Variants in GRM7 observed in about 807,000 individuals in gnomAD.
GRM7 encodes the protein glutamate metabotropic receptor 7, also known as metabotropic glutamate receptor 7.
Under a neutral mutation model 84.5 loss-of-function variants are expected in GRM7, and 35 were observed. That is an observed-to-expected ratio of 0.41 (90% CI 0.32 to 0.55). The LOEUF (loss-of-function observed/expected upper bound fraction) is 0.55, where lower values mean the gene tolerates loss of function less well. Among genes scored for constraint, GRM7 ranks in the 20% least tolerant of loss-of-function variants. The probability of loss-of-function intolerance (pLI) is 0.19; values close to 1 mark genes in which losing one functional copy is unlikely to be tolerated. For missense variants in GRM7, 1,003 were observed against 1,194.6 expected (o/e 0.84, Z 2.36); for synonymous variants, 487 against 455.1 (o/e 1.07, Z -0.89).
intron 8 of GRM7, among the ~76,000 whole-genome samples, chr3:7,661,770 G>A (rs957729049): frequency 1.1e-4 from 11 of 96,878 alleles, no homozygotes; most frequent in Admixed American, 3.1e-4. Context: ...CTCCAGCCTG[G>A]GCCACAGAGC....
chr3:6,949,352 A>C (rs1692605251), intron 1 of GRM7, among the ~76,000 whole-genome samples: 1 of 152,108 alleles, frequency 6.6e-6, no homozygotes, highest in South Asian at 2.1e-4. Context: ...TGGGTTGAAA[A>C]TTCTTTTCTT....
At chr3:7,190,919 A>G (rs7634808) in intron 2 of GRM7, among the ~76,000 whole-genome samples, 59,732 of 151,670 alleles carry the variant, frequency 0.39, 12,898 homozygotes, top group African/African-American at 0.59. Flanking sequence ...CATTTCCCAC[A>G]GTACTACTAA....
chr3:7,728,088 A>G lies in GRM7; in HGVS notation c.2699-12269A>G, dbSNP rs1391726954. ...CCGCAGTCAAAACAAGAAGCCACTG[A>G]ACTTAACAGGACTTGACTGTGATGG... On this transcript the variant is annotated intron_variant, in intron 9 of 9. Coordinates refer to ENST00000357716, the MANE Select transcript of GRM7 (RefSeq NM_000844.4). 5.9e-5 allele frequency among the ~76,000 whole-genome samples: 9 copies of G among 152,178 alleles called. No homozygotes were observed. In the East Asian group the frequency reaches 1.7e-3, roughly 29 times the overall value.
chr3:7,568,647 C>T (rs1694453575), intron 7 of GRM7, among the ~76,000 whole-genome samples: 1 of 152,188 alleles, frequency 6.6e-6, no homozygotes, highest in South Asian at 2.1e-4. Flanking sequence ...TGCGGGCCAG[C>T]TGGAGTTTTG....
chr3:7,157,098 G>T (rs1012134882), intron 2 of GRM7, among the ~76,000 whole-genome samples: 7 of 152,136 alleles, frequency 4.6e-5, no homozygotes, highest in Admixed American at 1.3e-4. Context: ...GACAGACTGT[G>T]TCTTCAGGGT....
intron 8 of GRM7, among the ~76,000 whole-genome samples, chr3:7,675,804 G>A (rs1700099210): frequency 6.6e-6 from 1 of 152,078 alleles, no homozygotes; most frequent in African/African-American, 2.4e-5. Context: ...AACCTAACCT[G>A]GCAGAAAATA....
At chr3:7,405,945 G>T (rs563353586) in intron 4 of GRM7, among the ~76,000 whole-genome samples, 59 of 151,674 alleles carry the variant, frequency 3.9e-4, no homozygotes, top group African/African-American at 1.3e-3. Flanking sequence ...ATTGATATTA[G>T]ATAATGTAGT....
At chr3:7,365,647 G>GTATATATATATATATATATATATA (rs755999982) in intron 4 of GRM7, among the ~76,000 whole-genome samples, 2 of 130,050 alleles carry the variant, frequency 1.5e-5, no homozygotes, top group South Asian at 2.4e-4. Flanking sequence ...GTGCGTGTGT[G>GTATATATATATATATATATATATA]TATATATATA....
intron 1 of GRM7, among the ~76,000 whole-genome samples, chr3:6,992,205 G>A (rs1440037381): frequency 6.6e-6 from 1 of 152,136 alleles, no homozygotes; most frequent in Non-Finnish European, 1.5e-5. Flanking sequence ...TGTGCTACAT[G>A]CTCTTTGACA....
intron 4 of GRM7, among the ~76,000 whole-genome samples, chr3:7,358,619 G>C (rs1693514740): frequency 1.3e-5 from 2 of 148,310 alleles, no homozygotes; most frequent in Non-Finnish European, 3.0e-5. Context: ...CTTTAATCCA[G>C]TGCTTCCAAA....
intron 1 of GRM7, among the ~76,000 whole-genome samples, chr3:7,001,824 T>C (rs1047085524): frequency 6.6e-6 from 1 of 152,200 alleles, no homozygotes; most frequent in Non-Finnish European, 1.5e-5. Flanking sequence ...ATCAAATTTT[T>C]ATCTACAATA....
Position 7,192,859 on chromosome 3 carries a change from C to A in GRM7, c.736+46191C>A, listed in dbSNP as rs1023871622. ...AATGTAATGAGGCCTGTGCCTCTAACCCTGCAATGAGATGTCACTGGTGAA... is the reference window on the plus strand; with the variant it reads ...AATGTAATGAGGCCTGTGCCTCTAAACCTGCAATGAGATGTCACTGGTGAA... On this transcript the variant is annotated intron_variant, in intron 2 of 9. Transcript: ENST00000357716. 4.6e-5 allele frequency among the ~76,000 whole-genome samples: 7 copies of A among 152,196 alleles called. No individual in the cohort carries two copies. The East Asian group carries it at 1.4e-3, about 29-fold the overall frequency.
intron 7 of GRM7, among the ~76,000 whole-genome samples, chr3:7,554,195 T>G (rs559440590): frequency 4.6e-5 from 7 of 152,236 alleles, no homozygotes; most frequent in Non-Finnish European, 8.8e-5. Context: ...TCCTTGAACC[T>G]AAAGCTTTTA....
chr3:7,512,999 T>C (rs1700264154), intron 7 of GRM7, among the ~76,000 whole-genome samples: 2 of 152,182 alleles, frequency 1.3e-5, no homozygotes, highest in South Asian at 4.1e-4. Flanking sequence ...GGAACTATTG[T>C]TTACAGTTAC....
chr3:7,199,297 G>A (rs190583803), intron 2 of GRM7, among the ~76,000 whole-genome samples: 1 of 152,212 alleles, frequency 6.6e-6, no homozygotes, highest in Non-Finnish European at 1.5e-5. Context: ...GAGAGATCTG[G>A]ATGACCAGAT....
At chr3:7,220,465 A>G (rs1350994804) in intron 2 of GRM7, among the ~76,000 whole-genome samples, 1 of 152,240 alleles carries the variant, frequency 6.6e-6, no homozygotes, top group Non-Finnish European at 1.5e-5. Context: ...ATACCTGGCC[A>G]GTACTCCTCA....
At chr3:7,105,297 A>G (rs1051523543) in intron 1 of GRM7, among the ~76,000 whole-genome samples, 1 of 151,920 alleles carries the variant, frequency 6.6e-6, no homozygotes, top group Non-Finnish European at 1.5e-5. Context: ...TTGGTTATCC[A>G]AAATGAATGA....
chr3:7,020,972 C>T (rs1049782304), intron 1 of GRM7, among the ~76,000 whole-genome samples: 1 of 152,104 alleles, frequency 6.6e-6, no homozygotes, highest in Non-Finnish European at 1.5e-5. Context: ...GATAGGGTCT[C>T]TTAGGAAGGA....
At chr3:7,190,698 AAT>A (rs994113953) in intron 2 of GRM7, among the ~76,000 whole-genome samples, 2 of 151,968 alleles carry the variant, frequency 1.3e-5, no homozygotes, top group African/African-American at 4.8e-5. Context: ...CAAGCAGTTT[AAT>A]ATATATATAT....
Sources: gnomAD v4.1 joint callset for allele counts (sites outside exome capture counted in the v4.1 genomes callset) on GRCh38, gnomAD v4.1.1 for gene constraint, MANE v1.5 for transcripts, NCBI Gene and HGNC (gene_info 2026-07-23, HGNC 2026-07-21) for gene names.